MAPK4: variants seen among roughly 807,000 people sequenced by gnomAD.
MAPK4 encodes Erk3-related.
In MAPK4, 22 loss-of-function variants were observed where a neutral mutation model predicts 47.7. The observed-to-expected ratio is 0.46, with a 90% confidence interval of 0.33 to 0.66. The LOEUF is 0.66. Among genes scored for constraint, MAPK4 ranks in the 30% least tolerant of loss-of-function variants. The pLI is 0.02. For synonymous variants in MAPK4, 390 were observed against 365.7 expected (o/e 1.07, Z -0.76); for missense variants, 736 against 831.7 (o/e 0.88, Z 1.42).
chr18:50,583,407 A>G lies in MAPK4; in HGVS notation c.-871+23164A>G, dbSNP rs188069301. ...GTTTGAGACCAGCCTGGGCAACATA[A>G]TGAAACCCCATCTCTACTAAAAATG... is the stretch of plus-strand genomic sequence containing the variant. On this transcript the variant is annotated intron_variant, in intron 1 of 5. Transcript: ENST00000400384. Among the ~76,000 whole-genome samples, 4 of 152,146 alleles carry G rather than the reference A, an allele frequency of 2.6e-5. No individual in the cohort carries two copies. The East Asian group carries it at 7.7e-4, about 29-fold the overall frequency.
chr18:50,594,937 A>G (rs2042469095), intron 1 of MAPK4, among the ~76,000 whole-genome samples: 2 of 152,238 alleles, frequency 1.3e-5, no homozygotes, highest in Non-Finnish European at 2.9e-5. Context: ...CATTTGATCT[A>G]CAATTGGCCA....
chr18:50,622,880 A>G (rs929622017), intron 1 of MAPK4, among the ~76,000 whole-genome samples: 1 of 152,248 alleles, frequency 6.6e-6, no homozygotes, highest in Admixed American at 6.5e-5. Context: ...GCCCAAGCCA[A>G]TTAATGATTG....
At position 50,620,730 on chromosome 18, in the gene MAPK4, C is replaced by T. The variant is rs1276876824; in HGVS notation, c.-870-42359C>T. ...GACCAGCTTGGGCAACATAGTGAGA[C>T]TCTATCTCTATAAAAATTAAAAATA... On this transcript the variant is annotated intron_variant, in intron 1 of 5. Transcript: ENST00000400384. Among the ~76,000 whole-genome samples the T allele has an allele frequency of 2.0e-5, 3 of 151,934 alleles. 1 individual carries two copies. The highest frequency in any genetic ancestry group is 1.3e-4 in the Admixed American group (2 of 15,248).
At chr18:50,625,176 CAG>C (rs1300115610) in intron 1 of MAPK4, among the ~76,000 whole-genome samples, 2 of 152,000 alleles carry the variant, frequency 1.3e-5, no homozygotes, top group Non-Finnish European at 2.9e-5. Flanking sequence ...TCTCAGGGCA[CAG>C]GGGGAGGCAT....
chr18:50,622,666 C>T (rs2149382764), intron 1 of MAPK4, among the ~76,000 whole-genome samples: 1 of 152,354 alleles, frequency 6.6e-6, no homozygotes, highest in East Asian at 1.9e-4. Flanking sequence ...CTCTCTCCCT[C>T]ATGTCACAGG....
chr18:50,685,350 A>G (rs971901225), intron 2 of MAPK4, among the ~76,000 whole-genome samples: 1 of 152,102 alleles, frequency 6.6e-6, no homozygotes, highest in Non-Finnish European at 1.5e-5. Context: ...TGGCTTCCTC[A>G]CTCACTGTCC....
intron 1 of MAPK4, among the ~76,000 whole-genome samples, chr18:50,568,225 AG>A (rs2042219134): frequency 1.3e-5 from 2 of 152,250 alleles, no homozygotes; most frequent in Admixed American, 1.3e-4. Context: ...AAAGAAAAAA[AG>A]AATTCCATAC....
chr18:50,626,873 G>A (rs2042783772), intron 1 of MAPK4, among the ~76,000 whole-genome samples: 1 of 152,176 alleles, frequency 6.6e-6, no homozygotes, highest in South Asian at 2.1e-4. Context: ...TATTATGCAG[G>A]TGTACTTTGT....
At chr18:50,686,368 C>T (rs1271297258) in intron 2 of MAPK4, among the ~76,000 whole-genome samples, 4 of 152,182 alleles carry the variant, frequency 2.6e-5, no homozygotes, top group Non-Finnish European at 5.9e-5. Context: ...TTTCCAGCAA[C>T]AGGAGTTGAA....
At chr18:50,600,107 T>G (rs564781019) in intron 1 of MAPK4, among the ~76,000 whole-genome samples, 5 of 152,330 alleles carry the variant, frequency 3.3e-5, no homozygotes, top group African/African-American at 1.2e-4. Context: ...GTTTGTGTAT[T>G]CTAATCATTT....
At chr18:50,606,711 T>C (rs1469748005) in intron 1 of MAPK4, among the ~76,000 whole-genome samples, 1 of 152,224 alleles carries the variant, frequency 6.6e-6, no homozygotes, top group Non-Finnish European at 1.5e-5. Flanking sequence ...CTTTTGCAAC[T>C]ACTCAACTTT....
intron 1 of MAPK4, among the ~76,000 whole-genome samples, chr18:50,644,726 A>T (rs1038836390): frequency 9.9e-5 from 15 of 152,216 alleles, no homozygotes; most frequent in African/African-American, 3.6e-4. Context: ...GTATCTTAGT[A>T]GAAAATGGCT....
Position 50,721,996 on chromosome 18 carries a change from G to A in MAPK4, c.750G>A (p.Glu250=), listed in dbSNP as rs1425066012. ...LILETIPVIR[E]EDKDELLRVM... The stretch of plus-strand genomic sequence containing the variant: ...TGGAGACCATCCCTGTAATCCGGGA[G>A]GAAGACAAGGACGAGCTGCTCAGGG... The change falls in exon 4 of 6, where the codon GAG becomes GAA. Residue 250 remains glutamate, a synonymous_variant. Transcript: ENST00000400384. The A allele has an allele frequency of 1.6e-5, 26 of 1,614,002 alleles. No individual in the cohort carries two copies. Among genetic ancestry groups the A allele is most frequent in the Non-Finnish European group, 2.0e-5 (24 of 1,180,026 alleles).
chr18:50,574,291 T>G (rs1226860190), intron 1 of MAPK4, among the ~76,000 whole-genome samples: 4 of 152,338 alleles, frequency 2.6e-5, no homozygotes, highest in East Asian at 3.9e-4. Context: ...GGAATTGGAT[T>G]TAAGGTATTT....
At chr18:50,630,309 T>A (rs1301813881) in intron 1 of MAPK4, among the ~76,000 whole-genome samples, 1 of 152,114 alleles carries the variant, frequency 6.6e-6, no homozygotes, top group East Asian at 1.9e-4. Flanking sequence ...ATGCCTCAGC[T>A]TCCTGAGTAG....
At chr18:50,569,602 G>C (rs963513702) in intron 1 of MAPK4, among the ~76,000 whole-genome samples, 5 of 152,170 alleles carry the variant, frequency 3.3e-5, no homozygotes, top group African/African-American at 9.7e-5. Context: ...TCCATTTCTG[G>C]TTGGGCCAGT....
At chr18:50,631,370 A>G (rs891616776) in intron 1 of MAPK4, among the ~76,000 whole-genome samples, 15 of 152,318 alleles carry the variant, frequency 9.8e-5, no homozygotes, top group Middle Eastern at 3.4e-3. Context: ...TGTGAGTTCA[A>G]TGTTAACGAA....
intron 1 of MAPK4, among the ~76,000 whole-genome samples, chr18:50,583,124 A>G (rs907615306): frequency 6.6e-5 from 10 of 152,184 alleles, no homozygotes; most frequent in African/African-American, 2.2e-4. Flanking sequence ...AATTTTATTG[A>G]TCAACAGAAG....
At chr18:50,622,768 AT>A (rs1327740760) in intron 1 of MAPK4, among the ~76,000 whole-genome samples, 1 of 152,254 alleles carries the variant, frequency 6.6e-6, no homozygotes, top group Non-Finnish European at 1.5e-5. Context: ...GCAAAAGACC[AT>A]TTTGTGAATG....
Sources: allele counts gnomAD v4.1 joint callset (sites outside exome capture counted in the v4.1 genomes callset), GRCh38; gene constraint gnomAD v4.1.1; transcripts MANE v1.5; gene names NCBI Gene and HGNC (gene_info 2026-07-23, HGNC 2026-07-21).